CRACDL: variants seen among roughly 807,000 people sequenced by gnomAD.
CRACDL encodes the protein CRACD like.
In CRACDL, 26 loss-of-function variants were observed where a neutral mutation model predicts 70.6. The observed-to-expected ratio is 0.37, with a 90% CI of 0.27 to 0.51. The LOEUF is 0.51. Ranked by LOEUF, CRACDL falls within the 20% of genes least tolerant of loss-of-function variation. The probability of loss-of-function intolerance (pLI) is 0.94; values close to 1 mark genes in which losing one functional copy is unlikely to be tolerated. For synonymous variants in CRACDL, 618 were observed against 615.2 expected (o/e 1.00, Z -0.07); for missense variants, 1,283 against 1,376.9 (o/e 0.93, Z 1.08).
intron 7 of CRACDL, among the ~76,000 whole-genome samples, chr2:98,815,356 A>AG (rs1031014048): frequency 6.6e-6 from 1 of 152,266 alleles, no homozygotes; most frequent in Non-Finnish European, 1.5e-5. Context: ...TGTGCAGCTC[A>AG]GGGATGAGCC....
chr2:98,851,730 A>G (rs1706490733), intron 1 of CRACDL, among the ~76,000 whole-genome samples: 1 of 152,162 alleles, frequency 6.6e-6, no homozygotes, highest in African/African-American at 2.4e-5. Context: ...TAGATTCTAA[A>G]CTCCAGAAAA....
intron 6 of CRACDL, among the ~76,000 whole-genome samples, chr2:98,826,764 T>A (rs1705318314): frequency 1.3e-5 from 2 of 152,138 alleles, no homozygotes; most frequent in South Asian, 4.1e-4. Context: ...GATGGATGAA[T>A]GAATGGAGCA....
At chr2:98,927,129 C>T (rs1292497340) in intron 1 of CRACDL, among the ~76,000 whole-genome samples, 2 of 152,224 alleles carry the variant, frequency 1.3e-5, no homozygotes, top group African/African-American at 4.8e-5. Flanking sequence ...CAAGAGGCCC[C>T]ACTATGGACG....
intron 7 of CRACDL, among the ~76,000 whole-genome samples, chr2:98,805,937 C>T (rs926295792): frequency 2.4e-4 from 36 of 152,252 alleles, no homozygotes; most frequent in Non-Finnish European, 4.6e-4. Flanking sequence ...AAGACAAAAG[C>T]CACTGCTGCT....
intron 1 of CRACDL, among the ~76,000 whole-genome samples, chr2:98,870,775 G>A (rs926575895): frequency 2.6e-5 from 4 of 152,314 alleles, no homozygotes; most frequent in South Asian, 2.1e-4. Context: ...GCTTGCTTTC[G>A]CCTGCTCTGG....
chr2:98,867,551 T>C (rs1401401966), intron 1 of CRACDL, among the ~76,000 whole-genome samples: 1 of 152,120 alleles, frequency 6.6e-6, no homozygotes, highest in African/African-American at 2.4e-5. Context: ...AAAAAAAAAC[T>C]ATCAGAGACT....
intron 3 of CRACDL, among the ~76,000 whole-genome samples, chr2:98,837,011 G>C (rs1452144327): frequency 3.3e-5 from 5 of 151,716 alleles, no homozygotes; most frequent in Non-Finnish European, 7.4e-5. Flanking sequence ...CGTGAACCCG[G>C]GAGGCGCAGC....
intron 6 of CRACDL, among the ~76,000 whole-genome samples, chr2:98,824,277 A>T: frequency 8.7e-6 from 1 of 115,206 alleles, no homozygotes; most frequent in Non-Finnish European, 1.8e-5. Flanking sequence ...TCACCTCCCC[A>T]CTCTCCCCCA....
intron 1 of CRACDL, among the ~76,000 whole-genome samples, chr2:98,849,399 GGTGTGTGTGAGAA>G (rs1706389846): frequency 6.6e-6 from 1 of 152,192 alleles, no homozygotes; most frequent in African/African-American, 2.4e-5. Flanking sequence ...GAGTGCCAGA[GGTGTGTGTGAGAA>G]TGTGTATGAG....
chr2:98,821,947 G>A lies in CRACDL; in HGVS notation c.2326C>T (p.Gln776Ter). The A allele has an allele frequency of 6.4e-7, 1 of 1,552,564 alleles. No homozygotes were observed. The highest frequency in any genetic ancestry group is 8.7e-7 in the Non-Finnish European group (1 of 1,152,984). Residue 776 changes from glutamine to a stop codon, truncating the protein, a stop_gained, in exon 7 of 10, where the codon CAG becomes TAG. Transcript: ENST00000397899. LOFTEE classifies it high-confidence loss of function. ...GGGCCGGCGTCGGGGGGCGCGGGCT[G>A]GTGCGGGAGCGTGAAGCTCTGCAGA... ...PLLQSFTLPH[Q>*]PAPPDAGPGE...
Position 98,822,427 on chromosome 2 carries a change from GGTC to G in CRACDL, c.1843_1845del (p.Asp615del). On this transcript the variant is annotated inframe_deletion, in exon 7 of 10. Coordinates refer to ENST00000397899, the MANE Select transcript of CRACDL (RefSeq NM_207362.3). This position sits in a 1 kb window ranked among gnomAD's most constrained non-coding sequence, Gnocchi z 4.9. ...TGCTGGGGCTCGGGGAGACCCTGGA[GGTC>G]GTCAAGAGCCGCCTCGCTCCTCCAG... The G allele has an allele frequency of 6.7e-7, 1 of 1,484,502 alleles. No individual in the cohort carries two copies. Among genetic ancestry groups the G allele is most frequent in the East Asian group, 2.9e-5 (1 of 34,624 alleles). 92.0% of individuals were successfully genotyped at this position (1,484,502 alleles called of 1,614,324 possible). A position where few individuals can be genotyped will look rare whatever the true frequency, so the allele number is the denominator to read the frequency against.
chr2:98,838,841 C>T (rs1392274912), intron 2 of CRACDL, among the ~76,000 whole-genome samples: 1 of 152,176 alleles, frequency 6.6e-6, no homozygotes, highest in Non-Finnish European at 1.5e-5. Context: ...GTCATCCCTG[C>T]AGGGGAGGGG....
rs565145228 is a variant in CRACDL at position 98,892,270 on chromosome 2, A to G, written c.-11+43668T>C. The stretch of plus-strand genomic sequence containing the variant: ...CCAGCAGTCAGGTTTGTATTAAAAA[A>G]TTATACATATCATAAATATTCCTTG... On this transcript the variant is annotated intron_variant, in intron 1 of 9. Transcript: ENST00000397899. Among the ~76,000 whole-genome samples the G allele has an allele frequency of 6.6e-5, 10 of 152,352 alleles. No individual in the cohort carries two copies. In the South Asian group the frequency reaches 1.0e-3, roughly 16 times the overall value.
At chr2:98,803,232 CCT>C (rs1241266948) in intron 7 of CRACDL, among the ~76,000 whole-genome samples, 3 of 152,044 alleles carry the variant, frequency 2.0e-5, no homozygotes, top group Non-Finnish European at 2.9e-5. Flanking sequence ...GATCTCTTGA[CCT>C]CGTGATCCAC....
At chr2:98,931,982 A>G (rs552861428) in intron 1 of CRACDL, among the ~76,000 whole-genome samples, 4 of 152,350 alleles carry the variant, frequency 2.6e-5, no homozygotes, top group African/African-American at 9.6e-5. Context: ...TCAAAATCAT[A>G]AATGTGTCTT....
chr2:98,879,233 T>C (rs916121351), intron 1 of CRACDL, among the ~76,000 whole-genome samples: 5 of 152,216 alleles, frequency 3.3e-5, no homozygotes, highest in Admixed American at 6.5e-5. Flanking sequence ...TCACCACCTA[T>C]GCTTAGAAAA....
At chr2:98,903,543 T>C (rs1398853858) in intron 1 of CRACDL, among the ~76,000 whole-genome samples, 2 of 152,216 alleles carry the variant, frequency 1.3e-5, no homozygotes, top group Non-Finnish European at 2.9e-5. Flanking sequence ...CTCCGTTAAA[T>C]AATTCCACCT....
chr2:98,883,314 T>C (rs1707708283), intron 1 of CRACDL, among the ~76,000 whole-genome samples: 1 of 151,858 alleles, frequency 6.6e-6, no homozygotes, highest in African/African-American at 2.4e-5. Context: ...AGGATGGAGG[T>C]CTTGTTGGCA....
At chr2:98,862,393 A>G (rs1051182507) in intron 1 of CRACDL, among the ~76,000 whole-genome samples, 4 of 152,220 alleles carry the variant, frequency 2.6e-5, no homozygotes, top group Admixed American at 6.5e-5. Context: ...CAAGGCATAC[A>G]AAGGAACAGG....
Sources: gnomAD v4.1 joint callset for allele counts (sites outside exome capture counted in the v4.1 genomes callset) on GRCh38, gnomAD v4.1.1 for gene constraint, Gnocchi (gnomAD v3.1) non-coding constraint, MANE v1.5 for transcripts, NCBI Gene and HGNC (gene_info 2026-07-23, HGNC 2026-07-21) for gene names.